ZER1: variants seen among roughly 807,000 people sequenced by gnomAD.
ZER1 encodes the protein zyg-11 related cell cycle regulator.
In ZER1, 11 loss-of-function variants were observed where a neutral mutation model predicts 78.8. The observed-to-expected ratio is 0.14, with a 90% CI of 0.09 to 0.23. ZER1 has a LOEUF of 0.23. ZER1 is among the 10% of genes least tolerant of loss of function. The pLI, the probability that ZER1 is intolerant of heterozygous loss-of-function variation, is 1.00. For missense variants in ZER1, 588 were observed against 996.9 expected (o/e 0.59, Z 5.52); for synonymous variants, 400 against 407.0 (o/e 0.98, Z 0.21).
intron 11 of ZER1, 143 bp downstream of exon 11, chr9:128,741,392 G>T: frequency 1.6e-6 from 2 of 1,265,298 alleles, no homozygotes; most frequent in Non-Finnish European, 2.2e-6. Context: ...TCCTGGGTGG[G>T]TGGGCCTGAG....
intron 4 of ZER1, 95 bp from the exon 5 acceptor site, chr9:128,752,944 C>T: frequency 2.1e-6 from 3 of 1,454,498 alleles, no homozygotes; most frequent in South Asian, 2.7e-5. Flanking sequence ...CAGGGGAGGG[C>T]CCATTCCTGC....
At position 128,753,702 on chromosome 9, in the gene ZER1, C is replaced by T. The variant is rs971190069; in HGVS notation, c.310-102G>A. 3.8e-5 allele frequency: 59 copies of T among 1,560,222 alleles called. No homozygotes were observed. The highest frequency in any genetic ancestry group is 4.6e-5 in the Non-Finnish European group (53 of 1,153,648). On this transcript the variant is annotated intron_variant, in intron 3 of 15. Coordinates refer to ENST00000291900, the MANE Select transcript of ZER1 (RefSeq NM_006336.4). The surrounding 1 kb of genome is among the most constrained non-coding windows in gnomAD (Gnocchi z 7.5). ...GGTGGGTTGGAAAGGGGGATGTGCA[C>T]AGTCACGGTGCACACTGGCTGGGCT... is the stretch of plus-strand genomic sequence containing the variant.
chr9:128,733,651 TG>T, intron 14 of ZER1, 123 bp from the exon 15 acceptor site: 1 of 820,084 alleles, frequency 1.2e-6, no homozygotes, highest in South Asian at 1.7e-5. Flanking sequence ...CAGCCCTTGG[TG>T]GGGGCAGTGC....
In ZER1 at chr9:128,754,497, A is replaced by G. The variant is rs1863793741; in HGVS notation, c.159-538T>C. 1.3e-5 allele frequency among the ~76,000 whole-genome samples: 2 copies of G among 152,172 alleles called. No homozygotes were observed. Among genetic ancestry groups the G allele is most frequent in the Non-Finnish European group, 2.9e-5 (2 of 68,038 alleles). ...TACCTGGGCAACTTCACACAAGTAA[A>G]TGAACTTTCCCAGACCTCAGTTTCT... On this transcript the variant is annotated intron_variant, in intron 2 of 15. Coordinates refer to ENST00000291900, the MANE Select transcript of ZER1 (RefSeq NM_006336.4). The surrounding 1 kb of genome is among the most constrained non-coding windows in gnomAD (Gnocchi z 4.3).
At position 128,742,607 on chromosome 9, in the gene ZER1, C is replaced by T. The variant is rs768832521; in HGVS notation, c.1498G>A (p.Val500Met). ...RQDESIQRIA[V>M]HLCNALVCQV... The stretch of plus-strand genomic sequence containing the variant: ...CAGACCAGGGCATTGCACAGGTGCA[C>T]GGCGATCCGCTGGATAGACTCGTCC... The change falls in exon 9 of 16, where the codon GTG becomes ATG. Residue 500 changes from valine to methionine, a missense_variant. By Grantham distance (21) the Val-to-Met change is conservative. Coordinates refer to ENST00000291900, the MANE Select transcript of ZER1 (RefSeq NM_006336.4). 1.9e-6 allele frequency: 3 copies of T among 1,614,102 alleles called. No individual in the cohort carries two copies. The highest frequency in any genetic ancestry group is 1.3e-5 in the African/African-American group (1 of 74,938).
chr9:128,768,312 C>T (rs1172542110), intron 1 of ZER1, among the ~76,000 whole-genome samples: 3 of 152,164 alleles, frequency 2.0e-5, no homozygotes, highest in East Asian at 1.9e-4. Context: ...GCCCCCAAAA[C>T]GTGTCTGCAT....
At chr9:128,745,755 A>G (rs1220913178) in intron 8 of ZER1, 1 of 151,758 alleles carries the variant, frequency 6.6e-6, no homozygotes. Context: ...GGCTCAAGAA[A>G]TTTTTCACAC....
chr9:128,737,012 C>T (rs748431302), intron 13 of ZER1, among the ~76,000 whole-genome samples: 3 of 151,968 alleles, frequency 2.0e-5, no homozygotes, highest in Admixed American at 1.3e-4. Flanking sequence ...AGCATGGTAA[C>T]GTGCACCTGT....
rs1329138075 is a variant in ZER1, at chr9:128,751,783, T to G, written c.924-256A>C. ...ACCACCTGCCATTCTAGTAAGGACA[T>G]GGCACCTTTAGGTCTCACCAACAAT... On this transcript the variant is annotated intron_variant, in intron 5 of 15. Coordinates refer to ENST00000291900, the MANE Select transcript of ZER1 (RefSeq NM_006336.4). The surrounding 1 kb of genome is among the most constrained non-coding windows in gnomAD (Gnocchi z 5.4). Among the ~76,000 whole-genome samples, 1 of 152,204 alleles carries G rather than the reference T, an allele frequency of 6.6e-6. No individual in the cohort carries two copies. Among genetic ancestry groups the G allele is most frequent in the Non-Finnish European group, 1.5e-5 (1 of 68,042 alleles).
In ZER1 at chr9:128,750,548, G is replaced by A. The variant is rs543547501; in HGVS notation, c.1359+68C>T. Reference sequence around the variant, plus strand: ...AGCCCAGAGCCGGGGGAGCCCTAGCGGGACGCAAGAAGCAGGAAAGGGGTG... The same window carrying A: ...AGCCCAGAGCCGGGGGAGCCCTAGCAGGACGCAAGAAGCAGGAAAGGGGTG... On this transcript the variant is annotated intron_variant, in intron 8 of 15. Coordinates refer to ENST00000291900, the MANE Select transcript of ZER1 (RefSeq NM_006336.4). The A allele has an allele frequency of 1.4e-5, 22 of 1,568,644 alleles. No homozygotes were observed. The East Asian group carries it at 1.6e-4, about 11-fold the overall frequency.
intron 1 of ZER1, among the ~76,000 whole-genome samples, chr9:128,765,068 C>T (rs367807222): frequency 6.6e-6 from 1 of 152,154 alleles, no homozygotes; most frequent in Non-Finnish European, 1.5e-5. Context: ...CTTACTCAAC[C>T]GACAAAATAT....
At chr9:128,742,859 T>G in intron 8 of ZER1, 114 bp from the exon 9 acceptor site, 1 of 1,102,126 alleles carries the variant, frequency 9.1e-7, no homozygotes, top group Non-Finnish European at 1.3e-6. Flanking sequence ...CCAGCCCGGT[T>G]TTCTGGAAGA....
At chr9:128,760,928 G>A (rs1482744319) in intron 1 of ZER1, among the ~76,000 whole-genome samples, 1 of 152,030 alleles carries the variant, frequency 6.6e-6, no homozygotes, top group Non-Finnish European at 1.5e-5. Flanking sequence ...GGGAGGCCGA[G>A]GCAGGCGAAT....
At chr9:128,731,554 G>T (rs953357466) in intron 15 of ZER1, among the ~76,000 whole-genome samples, 160 bp from the exon 16 acceptor site, 1 of 152,114 alleles carries the variant, frequency 6.6e-6, no homozygotes, top group Non-Finnish European at 1.5e-5. Context: ...GCTGGCATGT[G>T]CAGGGGACTC....
intron 8 of ZER1, among the ~76,000 whole-genome samples, chr9:128,744,093 T>C (rs895633847): frequency 2.0e-5 from 3 of 151,764 alleles, no homozygotes; most frequent in Non-Finnish European, 2.9e-5. Context: ...GAGATGGGGT[T>C]TCACCGTCTT....
rs779002626 is a variant in ZER1, at chr9:128,755,393, C to T, written c.158+15G>A. ...GGTAAGACCCCTGCCCCTCCTCAGC[C>T]CTGGGTCTGCTCACTCATTGACGAG... On this transcript the variant is annotated intron_variant, in intron 2 of 15. Transcript: ENST00000291900. The surrounding 1 kb of genome is among the most constrained non-coding windows in gnomAD (Gnocchi z 5.6). 62 of 1,613,708 alleles carry T rather than the reference C, an allele frequency of 3.8e-5. No individual in the cohort carries two copies. In the East Asian group the frequency reaches 1.0e-3, roughly 27 times the overall value.
chr9:128,767,626 A>G (rs973364278), intron 1 of ZER1, among the ~76,000 whole-genome samples: 1 of 152,128 alleles, frequency 6.6e-6, no homozygotes, highest in African/African-American at 2.4e-5. Flanking sequence ...AAAGATGAGC[A>G]ATGAGTTGTT....
At position 128,751,289 on chromosome 9, in the gene ZER1, GAAC is replaced by G. The variant is rs1863670281; in HGVS notation, c.1039-24_1039-22del. ...CTTACCTGCGGGTGGGACACGCTCA[GAAC>G]AACCCAGCAGAGGCCAAGGGCTGGG... On this transcript the variant is annotated intron_variant, in intron 6 of 15. Transcript: ENST00000291900. The surrounding 1 kb of genome is among the most constrained non-coding windows in gnomAD (Gnocchi z 5.4). 6.2e-7 allele frequency: 1 copy of G among 1,600,818 alleles called. No individual in the cohort carries two copies. Among genetic ancestry groups the G allele is most frequent in the Non-Finnish European group, 8.5e-7 (1 of 1,169,796 alleles).
chr9:128,735,045 C>G (rs891817121), intron 14 of ZER1, among the ~76,000 whole-genome samples: 1 of 122,532 alleles, frequency 8.2e-6, no homozygotes, highest in Non-Finnish European at 1.8e-5. Flanking sequence ...CTGAGCCCAG[C>G]AGGCATGGAG....
Sources: allele counts gnomAD v4.1 joint callset (sites outside exome capture counted in the v4.1 genomes callset), GRCh38; gene constraint gnomAD v4.1.1; non-coding constraint Gnocchi (gnomAD v3.1); transcripts MANE v1.5; gene names NCBI Gene and HGNC (gene_info 2026-07-23, HGNC 2026-07-21).